FIG4: variants seen among roughly 807,000 people sequenced by gnomAD.
FIG4 encodes polyphosphoinositide phosphatase.
In FIG4, 112 loss-of-function variants were observed where a neutral mutation model predicts 118.6. That is an observed-to-expected ratio of 0.94 (90% confidence interval 0.81 to 1.11). The LOEUF is 1.11. FIG4 is among the 50% of genes least tolerant of loss of function. The pLI is 0.00. For synonymous variants in FIG4, 369 were observed against 381.2 expected, an observed-to-expected ratio of 0.97 and a Z score of 0.37; for missense variants, 969 against 1,111.7, an observed-to-expected ratio of 0.87 and a Z score of 1.83.
At chr6:109,803,462 C>G (rs1778478035) in intron 22 of FIG4, among the ~76,000 whole-genome samples, 1 of 152,088 alleles carries the variant, frequency 6.6e-6, no homozygotes, top group Non-Finnish European at 1.5e-5. Context: ...AAATATACAA[C>G]AAGGGCAAGT....
intron 10 of FIG4, among the ~76,000 whole-genome samples, chr6:109,752,110 T>C (rs1205689598): frequency 3.3e-5 from 5 of 151,422 alleles, no homozygotes; most frequent in Non-Finnish European, 7.4e-5. Flanking sequence ...GTTCTTGCGA[T>C]AGTTTACTGA....
chr6:109,808,980 C>T (rs886487051), intron 22 of FIG4, among the ~76,000 whole-genome samples: 30 of 152,162 alleles, frequency 2.0e-4, no homozygotes, highest in African/African-American at 7.0e-4. Context: ...GTTAAAAACT[C>T]ATGCATGGGT....
intron 1 of FIG4, among the ~76,000 whole-genome samples, chr6:109,702,488 C>G (rs891777142): frequency 5.3e-5 from 8 of 152,122 alleles, no homozygotes; most frequent in African/African-American, 1.9e-4. Context: ...TATCCTAATT[C>G]TCCACCTGAA....
chr6:109,711,094 G>A (rs778917019), intron 1 of FIG4, among the ~76,000 whole-genome samples: 12 of 152,192 alleles, frequency 7.9e-5, no homozygotes, highest in Non-Finnish European at 1.6e-4. Context: ...CTCTTTGAAG[G>A]TCTCTAAAAA....
intron 1 of FIG4, 26 bp from the exon 2 acceptor site, chr6:109,715,052 C>T (rs758946567): frequency 7.6e-7 from 1 of 1,322,178 alleles, no homozygotes; most frequent in Non-Finnish European, 1.1e-6. Context: ...CTTTGATAAA[C>T]TAATGACATT....
chr6:109,743,808 G>A, intron 10 of FIG4, 36 bp downstream of exon 10: 2 of 1,461,200 alleles, frequency 1.4e-6, no homozygotes, highest in Non-Finnish European at 1.9e-6. Flanking sequence ...ATGAGATTCA[G>A]ACGCTCTGGG....
intron 22 of FIG4, among the ~76,000 whole-genome samples, chr6:109,823,736 C>G (rs1485917686): frequency 1.3e-5 from 2 of 152,128 alleles, no homozygotes; most frequent in African/African-American, 2.4e-5. Flanking sequence ...ATCCAGGGTG[C>G]ATTTCTGATT....
At chr6:109,782,643 G>A (rs1267142059) in intron 16 of FIG4, among the ~76,000 whole-genome samples, 4 of 151,964 alleles carry the variant, frequency 2.6e-5, no homozygotes, top group South Asian at 2.1e-4. Context: ...TACTTTACTC[G>A]TCTGCCAGTG....
At chr6:109,772,762 GT>G (rs1211360243) in intron 15 of FIG4, among the ~76,000 whole-genome samples, 1 of 151,990 alleles carries the variant, frequency 6.6e-6, no homozygotes, top group South Asian at 2.1e-4. Context: ...CATTGAATTA[GT>G]TTTTTATCAT....
At chr6:109,766,981 T>C in intron 15 of FIG4, 86 bp downstream of exon 15, 1 of 1,118,542 alleles carries the variant, frequency 8.9e-7, no homozygotes, top group South Asian at 1.3e-5. Context: ...CTAAGTGAAA[T>C]TAAAATTTAA....
At chr6:109,749,264 A>G (rs962015576) in intron 10 of FIG4, among the ~76,000 whole-genome samples, 1 of 152,090 alleles carries the variant, frequency 6.6e-6, no homozygotes, top group Admixed American at 6.6e-5. Flanking sequence ...ATATTAAATA[A>G]TCATTTTTCT....
intron 1 of FIG4, chr6:109,701,692 A>G: frequency 2.1e-6 from 1 of 471,540 alleles, no homozygotes; most frequent in Non-Finnish European, 4.4e-6. Flanking sequence ...CACCCCCATC[A>G]CAGAAAGTAG....
chr6:109,820,027 G>C (rs9487225), intron 22 of FIG4, among the ~76,000 whole-genome samples: 1,796 of 152,282 alleles, frequency 0.012, 43 homozygotes, highest in African/African-American at 0.041. Flanking sequence ...CACAGACATA[G>C]GTGTGCACAA....
chr6:109,753,778 T>C (rs1382379920), intron 10 of FIG4, among the ~76,000 whole-genome samples: 3 of 152,104 alleles, frequency 2.0e-5, no homozygotes, highest in East Asian at 1.9e-4. Context: ...GTGATTTTTG[T>C]ACATTGATTT....
chr6:109,742,168 A>G (rs926655257), intron 8 of FIG4, among the ~76,000 whole-genome samples: 1 of 152,082 alleles, frequency 6.6e-6, no homozygotes, highest in African/African-American at 2.4e-5. Context: ...AATGCGGTAC[A>G]TGTTTAATGT....
Position 109,741,456 on chromosome 6 carries a change from A to G in FIG4, c.788A>G (p.Tyr263Cys), listed in dbSNP as rs370148297. 5.6e-6 allele frequency: 9 copies of G among 1,611,446 alleles called. No individual in the cohort carries two copies. Among genetic ancestry groups the G allele is most frequent in the Middle Eastern group, 1.6e-4 (1 of 6,072 alleles). The change falls in exon 8 of 23, where the codon TAT becomes TGT. Residue 263 changes from tyrosine (Y) to cysteine (C), a missense_variant. Coordinates refer to ENST00000230124, the MANE Select transcript of FIG4 (RefSeq NM_014845.6). ...GFCGQSKLLI[Y>C]GRPVYVTLIA... is the part of the protein sequence containing the mutation. ...CTTGATTTCCAAGAGCTGTTGATCT[A>G]TGGACGACCAGTGTATGTCACTCTA...
chr6:109,707,455 A>G (rs923161176), intron 1 of FIG4, among the ~76,000 whole-genome samples: 3 of 149,442 alleles, frequency 2.0e-5, no homozygotes, highest in Non-Finnish European at 3.0e-5. Flanking sequence ...ATATACACAT[A>G]TATACACATA....
chr6:109,732,140 A>T (rs1042337164), intron 4 of FIG4, among the ~76,000 whole-genome samples: 1 of 152,226 alleles, frequency 6.6e-6, no homozygotes, highest in African/African-American at 2.4e-5. Context: ...ATTTATCTTA[A>T]AAAGGTTGAA....
In FIG4 at chr6:109,691,342, C is replaced by G; in HGVS notation, c.-94C>G. ...CTAATGGGTGTTGTTCCTGGCTGGA[C>G]TTGATGTCCAGGGCCTGAGGGGTTT... is the stretch of plus-strand genomic sequence containing the variant. On this transcript the variant is annotated 5_prime_UTR_variant, in exon 1 of 23. Transcript: ENST00000230124. 2.0e-6 allele frequency: 2 copies of G among 1,004,038 alleles called. No homozygotes were observed. The highest frequency in any genetic ancestry group is 2.0e-4 in the Middle Eastern group (1 of 4,906). 62.2% of individuals were successfully genotyped at this position (1,004,038 alleles called of 1,614,324 possible). A position where few individuals can be genotyped will look rare whatever the true frequency, so the allele number is the denominator to read the frequency against.
Sources: gnomAD v4.1 joint callset for allele counts (sites outside exome capture counted in the v4.1 genomes callset) on GRCh38, gnomAD v4.1.1 for gene constraint, MANE v1.5 for transcripts, NCBI Gene and HGNC (gene_info 2026-07-23, HGNC 2026-07-21) for gene names.